Variants in ULK4 observed in about 807,000 individuals in gnomAD.
ULK4 encodes the protein inactive serine/threonine-protein kinase ULK4.
A neutral mutation model predicts 160.6 loss-of-function variants in ULK4; 133 were observed. That is an observed-to-expected ratio of 0.83 (90% CI 0.72 to 0.96). ULK4 has a LOEUF of 0.96. Among genes scored for constraint, ULK4 ranks in the 40% least tolerant of loss-of-function variants. The pLI is 0.00. For missense variants in ULK4, 1,580 were observed against 1,499.5 expected, an observed-to-expected ratio of 1.05 and a Z score of -0.89; for synonymous variants, 534 against 539.8, an observed-to-expected ratio of 0.99 and a Z score of 0.15.
intron 18 of ULK4, among the ~76,000 whole-genome samples, chr3:41,822,329 T>A (rs556341643): frequency 6.6e-6 from 1 of 152,310 alleles, no homozygotes; most frequent in East Asian, 1.9e-4. Context: ...TAATCCATAA[T>A]GAGGCAAATA....
At chr3:41,355,195 G>A (rs2081005133) in intron 35 of ULK4, among the ~76,000 whole-genome samples, 1 of 152,112 alleles carries the variant, frequency 6.6e-6, no homozygotes, top group Admixed American at 6.6e-5. Flanking sequence ...GACTTTCAGG[G>A]AAGACCCAAA....
intron 30 of ULK4, among the ~76,000 whole-genome samples, chr3:41,624,515 C>T (rs1012261830): frequency 6.6e-6 from 1 of 152,114 alleles, no homozygotes; most frequent in South Asian, 2.1e-4. Context: ...ATGATGCGCA[C>T]GCTGGCCTGG....
chr3:41,508,962 A>G (rs140961210), intron 32 of ULK4, among the ~76,000 whole-genome samples: 1 of 152,250 alleles, frequency 6.6e-6, no homozygotes, highest in African/African-American at 2.4e-5. Flanking sequence ...ATGGATCCAA[A>G]CCAAGATGAA....
chr3:41,930,727 A>G (rs565948418), intron 5 of ULK4, among the ~76,000 whole-genome samples: 1 of 152,342 alleles, frequency 6.6e-6, no homozygotes, highest in Non-Finnish European at 1.5e-5. Flanking sequence ...CGGCCAACAA[A>G]CATATGAAAA....
chr3:41,450,878 G>C (rs2083410341), intron 34 of ULK4, among the ~76,000 whole-genome samples: 1 of 152,186 alleles, frequency 6.6e-6, no homozygotes, highest in Admixed American at 6.5e-5. Context: ...AATGATAAAT[G>C]TGTATATATT....
At chr3:41,418,198 A>G (rs553515472) in intron 34 of ULK4, among the ~76,000 whole-genome samples, 181 of 152,254 alleles carry the variant, frequency 1.2e-3, no homozygotes, top group Non-Finnish European at 2.2e-3. Context: ...AAATCTGCAT[A>G]TAACTTTTGA....
At chr3:41,735,690 A>ATTAT (rs2038010595) in intron 22 of ULK4, among the ~76,000 whole-genome samples, 1 of 147,154 alleles carries the variant, frequency 6.8e-6, no homozygotes, top group South Asian at 2.1e-4. Flanking sequence ...AGTCCATTTT[A>ATTAT]TTATTATTAT....
chr3:41,420,504 A>G (rs1487595992), intron 34 of ULK4, among the ~76,000 whole-genome samples: 4 of 49,726 alleles, frequency 8.0e-5, no homozygotes, highest in South Asian at 1.0e-3. Context: ...TTTTTTTGAG[A>G]TGGAGTCTCA....
chr3:41,265,036 C>G (rs967096603), intron 35 of ULK4, among the ~76,000 whole-genome samples: 3 of 152,196 alleles, frequency 2.0e-5, no homozygotes, highest in African/African-American at 7.2e-5. Flanking sequence ...CCAGAGGCAT[C>G]AAGTTGGGAT....
chr3:41,802,904 C>G (rs1193240962), intron 19 of ULK4, among the ~76,000 whole-genome samples: 2 of 152,128 alleles, frequency 1.3e-5, no homozygotes, highest in South Asian at 2.1e-4. Context: ...CAGTGGCTCA[C>G]GCCTGTAATC....
At chr3:41,279,000 C>T (rs984407219) in intron 35 of ULK4, among the ~76,000 whole-genome samples, 6 of 151,960 alleles carry the variant, frequency 3.9e-5, no homozygotes, top group Admixed American at 6.6e-5. Context: ...CAAACTTCTC[C>T]GACCTAAAGG....
At chr3:41,753,672 C>A (rs1261995076) in intron 22 of ULK4, among the ~76,000 whole-genome samples, 5 of 152,150 alleles carry the variant, frequency 3.3e-5, no homozygotes, top group South Asian at 4.1e-4. Flanking sequence ...CAGAATCTTA[C>A]AATAAGGAAA....
At chr3:41,952,717 T>C (rs150350185) in intron 2 of ULK4, among the ~76,000 whole-genome samples, 2 of 152,232 alleles carry the variant, frequency 1.3e-5, no homozygotes, top group African/African-American at 4.8e-5. Context: ...CACTTCTGAG[T>C]ATATACACAA....
chr3:41,901,169 C>CTTTTTTTTTTTTTTTTT (rs756499023), intron 12 of ULK4, among the ~76,000 whole-genome samples: 1 of 95,744 alleles, frequency 1.0e-5, no homozygotes, highest in Non-Finnish European at 2.2e-5. Flanking sequence ...AACAGCATGG[C>CTTTTTTTTTTTTTTTTT]TTCTTTTTTT....
rs547012145 is a variant in ULK4, at chr3:41,744,774, G to A, written c.2321+9587C>T. 1.5e-3 allele frequency among the ~76,000 whole-genome samples: 224 copies of A among 151,694 alleles called. 2 individuals carry two copies. Among genetic ancestry groups the A allele is most frequent in the Non-Finnish European group, 2.6e-3 (179 of 67,944 alleles). On this transcript the variant is annotated intron_variant, in intron 22 of 36. Transcript: ENST00000301831. ...AGCAGAATGTACATGCTTTTCAAGC[G>A]CCCTGTACCATTCACCAAAATAGAC... is the stretch of plus-strand genomic sequence containing the variant.
chr3:41,786,662 T>G (rs908631448), intron 21 of ULK4, among the ~76,000 whole-genome samples: 4 of 152,046 alleles, frequency 2.6e-5, no homozygotes, highest in African/African-American at 9.7e-5. Context: ...TTAATCTTTT[T>G]ATTAAAATAG....
At chr3:41,657,559 C>T (rs553760591) in intron 30 of ULK4, among the ~76,000 whole-genome samples, 13 of 152,014 alleles carry the variant, frequency 8.6e-5, no homozygotes, top group South Asian at 4.2e-4. Flanking sequence ...CCACTGATAC[C>T]CTGTAATCCC....
intron 27 of ULK4, among the ~76,000 whole-genome samples, chr3:41,692,693 T>C (rs1171051104): frequency 6.6e-6 from 1 of 152,156 alleles, no homozygotes; most frequent in East Asian, 1.9e-4. Context: ...GGAATTTTAA[T>C]AATTAATACT....
At position 41,686,902 on chromosome 3, in the gene ULK4, T is replaced by C. The variant is rs369455383; in HGVS notation, c.2782-5098A>G. On this transcript the variant is annotated intron_variant, in intron 27 of 36. Transcript: ENST00000301831. ...GTTTTCTAAAGAACTGTATGCATTT[T>C]ATTTATTTTCTGCATTTAAAAACAT... Among the ~76,000 whole-genome samples the C allele has an allele frequency of 1.1e-3, 172 of 152,330 alleles. 4 individuals are homozygous for C. The South Asian group carries it at 0.028, about 25-fold the overall frequency.
Sources: gnomAD v4.1 joint callset for allele counts (sites outside exome capture counted in the v4.1 genomes callset) on GRCh38, gnomAD v4.1.1 for gene constraint, MANE v1.5 for transcripts, NCBI Gene and HGNC (gene_info 2026-07-23, HGNC 2026-07-21) for gene names.